ANAPC10: variants seen among roughly 807,000 people sequenced by gnomAD.
ANAPC10 encodes anaphase promoting complex subunit 10, also known as anaphase-promoting complex subunit 10.
A neutral mutation model predicts 22.0 loss-of-function variants in ANAPC10; 12 were observed. The observed-to-expected ratio is 0.55, with a 90% CI of 0.35 to 0.88. ANAPC10 has a LOEUF of 0.88. Among genes scored for constraint, ANAPC10 ranks in the 40% least tolerant of loss-of-function variants. The pLI is 0.01. For missense variants in ANAPC10, 188 were observed against 220.9 expected (o/e 0.85, Z 0.94); for synonymous variants, 65 against 69.5 (o/e 0.94, Z 0.32).
chr4:145,019,459 A>C (rs1735668710), intron 4 of ANAPC10, among the ~76,000 whole-genome samples: 3 of 152,136 alleles, frequency 2.0e-5, no homozygotes, highest in Admixed American at 2.0e-4. Context: ...GCCCAGAGGA[A>C]AGTTCATGGT....
intron 3 of ANAPC10, among the ~76,000 whole-genome samples, chr4:145,079,316 C>A (rs1745619197): frequency 6.6e-6 from 1 of 151,958 alleles, no homozygotes; most frequent in Non-Finnish European, 1.5e-5. Flanking sequence ...ATCAAAACCA[C>A]AATGAGATAC....
chr4:145,047,169 A>G (rs1364711733), intron 4 of ANAPC10, among the ~76,000 whole-genome samples: 1 of 152,132 alleles, frequency 6.6e-6, no homozygotes, highest in East Asian at 1.9e-4. Context: ...CAAGGAAGTG[A>G]TAATACCAAG....
intron 2 of ANAPC10, among the ~76,000 whole-genome samples, chr4:145,090,123 A>G (rs964718718): frequency 5.3e-5 from 8 of 152,170 alleles, no homozygotes; most frequent in South Asian, 4.1e-4. Flanking sequence ...CTTGGCATCC[A>G]ACGAGGATTG....
At chr4:145,063,023 T>G (rs1050598287) in intron 4 of ANAPC10, among the ~76,000 whole-genome samples, 1 of 151,968 alleles carries the variant, frequency 6.6e-6, no homozygotes, top group Non-Finnish European at 1.5e-5. Flanking sequence ...GAAGGAGGGA[T>G]TGGGGAGATG....
intron 4 of ANAPC10, among the ~76,000 whole-genome samples, chr4:145,053,351 T>C (rs1316448052): frequency 6.6e-6 from 1 of 152,230 alleles, no homozygotes; most frequent in Non-Finnish European, 1.5e-5. Context: ...ATACTTATGG[T>C]ACCACTTAGT....
chr4:145,080,882 G>A (rs1477134501), intron 3 of ANAPC10, among the ~76,000 whole-genome samples: 5 of 149,030 alleles, frequency 3.4e-5, no homozygotes, highest in East Asian at 3.9e-4. Context: ...ACTCCAGCCC[G>A]GGCAACAAGA....
chr4:145,018,758 T>C (rs2126974088), intron 4 of ANAPC10, among the ~76,000 whole-genome samples: 1 of 152,156 alleles, frequency 6.6e-6, no homozygotes, highest in East Asian at 1.9e-4. Context: ...GAAAAAGGCA[T>C]TTCATGTAAA....
intron 2 of ANAPC10, among the ~76,000 whole-genome samples, chr4:145,093,684 C>T (rs1372650425): frequency 6.6e-6 from 1 of 151,462 alleles, no homozygotes; most frequent in African/African-American, 2.4e-5. Flanking sequence ...AATATAATAT[C>T]ACAGATGAAA....
At chr4:145,062,729 C>T (rs1469426101) in intron 4 of ANAPC10, among the ~76,000 whole-genome samples, 1 of 152,144 alleles carries the variant, frequency 6.6e-6, no homozygotes, top group African/African-American at 2.4e-5. Flanking sequence ...ATGTTCACTG[C>T]AGCATTATTC....
intron 4 of ANAPC10, among the ~76,000 whole-genome samples, chr4:145,042,506 C>A (rs1739656294): frequency 6.6e-6 from 1 of 152,124 alleles, no homozygotes; most frequent in Non-Finnish European, 1.5e-5. Context: ...AACAAAATTT[C>A]TCACCTTCAA....
At chr4:145,013,075 A>G (rs929011904) in intron 4 of ANAPC10, among the ~76,000 whole-genome samples, 7 of 152,042 alleles carry the variant, frequency 4.6e-5, no homozygotes, top group African/African-American at 1.7e-4. Flanking sequence ...GCATTTCCTG[A>G]GGCTTCCCCA....
At chr4:145,055,265 T>TA (rs966251554) in intron 4 of ANAPC10, among the ~76,000 whole-genome samples, 12 of 151,696 alleles carry the variant, frequency 7.9e-5, no homozygotes, top group Non-Finnish European at 1.5e-4. Flanking sequence ...CTTTGGTCTT[T>TA]AAAAAAAAGG....
chr4:145,053,916 GTGT>G, intron 4 of ANAPC10: 14 of 435,654 alleles, frequency 3.2e-5, no homozygotes, highest in South Asian at 1.1e-4. Context: ...GTGTGTGTGT[GTGT>G]TTTTTTTTTA....
intron 4 of ANAPC10, among the ~76,000 whole-genome samples, chr4:145,026,916 C>CATACATAT (rs1245117790): frequency 9.2e-4 from 24 of 26,042 alleles, no homozygotes; most frequent in Middle Eastern, 0.033. Flanking sequence ...TTTGCCTATA[C>CATACATAT]ATACATATAT....
intron 4 of ANAPC10, among the ~76,000 whole-genome samples, chr4:145,000,029 T>C (rs1300735422): frequency 6.6e-6 from 1 of 152,182 alleles, no homozygotes; most frequent in Non-Finnish European, 1.5e-5. Context: ...GATCCCTTCC[T>C]TACACCTTAT....
At position 145,007,522 on chromosome 4, in the gene ANAPC10, C is replaced by T. The variant is rs566305278; in HGVS notation, c.328-11919G>A. 4.2e-3 allele frequency among the ~76,000 whole-genome samples: 634 copies of T among 152,184 alleles called. 3 individuals are homozygous for T. Among genetic ancestry groups the T allele is most frequent in the African/African-American group, 0.014 (581 of 41,482 alleles). On this transcript the variant is annotated intron_variant, in intron 4 of 4. Coordinates refer to ENST00000507656, the MANE Select transcript of ANAPC10 (RefSeq NM_001256706.2). ...CAAATTACAACTCAGGATTAAGAAACTCACTCAAAACCGCTCAACTACAGG... is the reference window on the plus strand; with the variant it reads ...CAAATTACAACTCAGGATTAAGAAATTCACTCAAAACCGCTCAACTACAGG...
chr4:145,029,261 G>C (rs1300435780), intron 4 of ANAPC10, among the ~76,000 whole-genome samples: 10 of 151,952 alleles, frequency 6.6e-5, no homozygotes, highest in Admixed American at 6.5e-4. Flanking sequence ...TTCCACCTTT[G>C]TCTGAGAAGA....
At chr4:145,039,280 G>A (rs1739132012) in intron 4 of ANAPC10, among the ~76,000 whole-genome samples, 2 of 152,196 alleles carry the variant, frequency 1.3e-5, no homozygotes, top group Non-Finnish European at 2.9e-5. Context: ...TTACTGCAAG[G>A]TTATCGCAAT....
chr4:145,024,678 G>C (rs1238976831), intron 4 of ANAPC10, among the ~76,000 whole-genome samples: 1 of 152,164 alleles, frequency 6.6e-6, no homozygotes, highest in African/African-American at 2.4e-5. Flanking sequence ...TCCAGGCTTT[G>C]TTCTTCCATT....
Sources: gnomAD v4.1 joint callset for allele counts (sites outside exome capture counted in the v4.1 genomes callset) on GRCh38, gnomAD v4.1.1 for gene constraint, MANE v1.5 for transcripts, NCBI Gene and HGNC (gene_info 2026-07-23, HGNC 2026-07-21) for gene names.